Variants in NUP214 observed in about 807,000 individuals in gnomAD.
NUP214 encodes nuclear pore complex protein Nup214.
In NUP214, 79 loss-of-function variants were observed where a neutral mutation model predicts 196.2. That is an observed-to-expected ratio of 0.40 (90% CI 0.34 to 0.49). The LOEUF (loss-of-function observed/expected upper bound fraction) is 0.49. Among genes scored for constraint, NUP214 ranks in the 20% least tolerant of loss-of-function variants. NUP214 has a pLI of 0.58. For synonymous variants in NUP214, 1,020 were observed against 990.5 expected (o/e 1.03, Z -0.56); for missense variants, 2,468 against 2,539.0 (o/e 0.97, Z 0.60).
chr9:131,231,791 CAG>C (rs1406816351), intron 34 of NUP214, among the ~76,000 whole-genome samples: 2 of 150,544 alleles, frequency 1.3e-5, no homozygotes, highest in Non-Finnish European at 1.5e-5. Flanking sequence ...CGTGAAGAAA[CAG>C]AAACTCCAAG....
chr9:131,164,278 G>A, intron 21 of NUP214, 134 bp downstream of exon 21: 2 of 708,212 alleles, frequency 2.8e-6, no homozygotes, highest in Admixed American at 2.7e-5. Context: ...GTGTGTGTTG[G>A]TTCTTAATAG....
At chr9:131,133,469 TA>T (rs1831623039) in intron 7 of NUP214, among the ~76,000 whole-genome samples, 1 of 151,888 alleles carries the variant, frequency 6.6e-6, no homozygotes, top group Admixed American at 6.6e-5. Context: ...TATGCCTGGC[TA>T]ATTTTTTTTT....
At chr9:131,127,802 A>G (rs1296438605) in intron 2 of NUP214, 83 bp downstream of exon 2, 3 of 1,011,954 alleles carry the variant, frequency 3.0e-6, no homozygotes, top group Non-Finnish European at 4.5e-6. Flanking sequence ...AAGTCATTCT[A>G]ATACTAAAAT....
At chr9:131,193,629 C>CTTTTTTTTTTCTTTTT (rs1833679142) in intron 27 of NUP214, among the ~76,000 whole-genome samples, 1 of 28,218 alleles carries the variant, frequency 3.5e-5, no homozygotes, top group African/African-American at 1.2e-4. Context: ...TCTTCCTTTT[C>CTTTTTTTTTTCTTTTT]TTTTTTTTTT....
At chr9:131,172,112 C>A (rs1318591349) in intron 21 of NUP214, among the ~76,000 whole-genome samples, 2 of 150,588 alleles carry the variant, frequency 1.3e-5, no homozygotes. Context: ...AGTTCTAGAT[C>A]CCTGAGGAAT....
intron 24 of NUP214, among the ~76,000 whole-genome samples, chr9:131,184,816 T>A (rs1833404449): frequency 6.6e-6 from 1 of 152,214 alleles, no homozygotes; most frequent in Admixed American, 6.5e-5. Flanking sequence ...AGAAAATAGT[T>A]GGCAGTTATA....
intron 23 of NUP214, 126 bp downstream of exon 23, chr9:131,175,747 G>A (rs528249478): frequency 7.9e-4 from 1,057 of 1,332,554 alleles, no homozygotes; most frequent in Non-Finnish European, 1.0e-3. Flanking sequence ...AGATTGATGT[G>A]ACAGCCCTCT....
At chr9:131,173,159 C>T (rs914042637) in intron 21 of NUP214, among the ~76,000 whole-genome samples, 2 of 152,100 alleles carry the variant, frequency 1.3e-5, no homozygotes, top group African/African-American at 4.8e-5. Flanking sequence ...CGGGTTCAAG[C>T]GATTCTCCTG....
chr9:131,200,043 A>G (rs1352212228), intron 29 of NUP214, among the ~76,000 whole-genome samples: 1 of 152,202 alleles, frequency 6.6e-6, no homozygotes, highest in Non-Finnish European at 1.5e-5. Flanking sequence ...AGAAGGCCCT[A>G]TGAGTCTTAG....
intron 27 of NUP214, among the ~76,000 whole-genome samples, chr9:131,193,624 C>CTTTTTTTTTTTT: frequency 5.7e-5 from 1 of 17,664 alleles, no homozygotes; most frequent in Non-Finnish European, 1.5e-4. Flanking sequence ...ATTCTTCTTC[C>CTTTTTTTTTTTT]TTTTCTTTTT....
At position 131,233,457 on chromosome 9, in the gene NUP214, T is replaced by C. The variant is rs189952159; in HGVS notation, c.6243T>C (p.Ser2081=). ...GGFSFGSNNS[S]VQGFGGWRS is the part of the protein sequence containing the mutation. ...ACTGTCCTGTGCTTCCTTGCAGGTC[T>C]GTCCAGGGTTTTGGTGGCTGGCGAA... Residue 2081 remains serine (S), a synonymous_variant, in exon 36 of 36, where the codon TCT becomes TCC. Coordinates refer to ENST00000359428, the MANE Select transcript of NUP214 (RefSeq NM_005085.4). 1,368 of 1,611,850 alleles carry C rather than the reference T, an allele frequency of 8.5e-4. 19 individuals are homozygous for C. In the East Asian group the frequency reaches 0.027, roughly 31 times the overall value.
chr9:131,189,003 A>G (rs1297754094), intron 25 of NUP214, 50 bp from the exon 26 acceptor site: 2 of 1,244,840 alleles, frequency 1.6e-6, no homozygotes, highest in African/African-American at 3.0e-5. Context: ...CTTTGTTACA[A>G]AGAATGGTTA....
At chr9:131,229,729 A>T (rs766661554) in intron 33 of NUP214, 70 of 519,000 alleles carry the variant, frequency 1.3e-4, no homozygotes, top group South Asian at 9.6e-4. Context: ...CCAAGGCAGG[A>T]GGAGGAAGGG....
At chr9:131,184,695 T>C (rs1199498098) in intron 24 of NUP214, among the ~76,000 whole-genome samples, 1 of 152,198 alleles carries the variant, frequency 6.6e-6, no homozygotes, top group African/African-American at 2.4e-5. Context: ...GTCTTAATTA[T>C]TTAAGTTACT....
intron 27 of NUP214, among the ~76,000 whole-genome samples, chr9:131,193,637 T>TTTTTTTTTTTTTTTTTTTTTTTG: frequency 1.2e-5 from 1 of 81,698 alleles, no homozygotes; most frequent in Non-Finnish European, 2.4e-5. Flanking sequence ...TTCTTTTTTT[T>TTTTTTTTTTTTTTTTTTTTTTTG]TTTTTTTTTT....
At position 131,172,251 on chromosome 9, in the gene NUP214, TG is replaced by T. The variant is rs546707145; in HGVS notation, c.2894-1802del. Reference sequence around the variant, plus strand: ...ACTTTTTAATGATTGCCATTCTAACTGGCGTGAGATGGTATCTCATTGTGGT... The same window carrying T: ...ACTTTTTAATGATTGCCATTCTAACTGCGTGAGATGGTATCTCATTGTGGT... On this transcript the variant is annotated intron_variant, in intron 21 of 35. Coordinates refer to ENST00000359428, the MANE Select transcript of NUP214 (RefSeq NM_005085.4). 3.1e-3 allele frequency among the ~76,000 whole-genome samples: 474 copies of T among 152,142 alleles called. 1 individual carries two copies. Among genetic ancestry groups the T allele is most frequent in the African/African-American group, 0.01 (422 of 41,446 alleles).
rs1421949937 is a variant in NUP214, at chr9:131,197,540, C to T, written c.4046C>T (p.Thr1349Ile). Reference protein sequence around the residue: ...VGQADDSTKPTNKASSTSLTS... With the variant: ...VGQADDSTKPINKASSTSLTS... ...CAAGCAGATGATTCTACAAAACCAA[C>T]CAATAAGGCTTCATCCACAAGCCTA... Residue 1349 changes from threonine to isoleucine, a missense_variant, in exon 29 of 36, where the codon ACC becomes ATC. Thr to Ile is a moderately conservative substitution (Grantham distance 89). Transcript: ENST00000359428. 6.2e-7 allele frequency: 1 copy of T among 1,614,178 alleles called. No individual in the cohort carries two copies. The highest frequency in any genetic ancestry group is 1.1e-5 in the South Asian group (1 of 91,084).
intron 21 of NUP214, among the ~76,000 whole-genome samples, chr9:131,167,858 A>T (rs1832831612): frequency 6.6e-6 from 1 of 151,710 alleles, no homozygotes; most frequent in South Asian, 2.1e-4. Context: ...TTGTCCTCTT[A>T]ATTATGTCTT....
intron 30 of NUP214, among the ~76,000 whole-genome samples, chr9:131,210,066 A>G (rs1290112418): frequency 2.0e-5 from 3 of 152,224 alleles, no homozygotes; most frequent in Non-Finnish European, 4.4e-5. Flanking sequence ...CCTCACTTTA[A>G]TCAGACGAAA....
Sources: gnomAD v4.1 joint callset for allele counts (sites outside exome capture counted in the v4.1 genomes callset) on GRCh38, gnomAD v4.1.1 for gene constraint, MANE v1.5 for transcripts, NCBI Gene and HGNC (gene_info 2026-07-23, HGNC 2026-07-21) for gene names.